The following CTDSPL2 variants were observed in gnomAD, a reference collection of about 807,000 sequenced individuals.
CTDSPL2 encodes the protein CTD small phosphatase like 2.
Under a neutral mutation model 60.0 loss-of-function variants are expected in CTDSPL2, and 5 were observed. The ratio of observed to expected loss-of-function variants is 0.08; its 90% CI spans 0.04 to 0.18. CTDSPL2 has a LOEUF of 0.18. Among genes scored for constraint, CTDSPL2 ranks in the 10% least tolerant of loss-of-function variants. The probability of loss-of-function intolerance (pLI) is 1.00; values close to 1 mark genes in which losing one functional copy is unlikely to be tolerated. For missense variants in CTDSPL2, 370 were observed against 548.8 expected (o/e 0.67, Z 3.26); for synonymous variants, 186 against 189.3 (o/e 0.98, Z 0.14).
intron 2 of CTDSPL2, among the ~76,000 whole-genome samples, chr15:44,480,796 A>C (rs1051120479): frequency 1.3e-5 from 2 of 151,620 alleles, no homozygotes; most frequent in African/African-American, 4.9e-5. Flanking sequence ...CTGTGCTACT[A>C]CACTCCAGTA....
chr15:44,449,078 T>G, intron 1 of CTDSPL2: 1 of 321,726 alleles, frequency 3.1e-6, no homozygotes, highest in Admixed American at 4.0e-5. Context: ...CAAGTCTTTC[T>G]GTCTGTAATA....
Position 44,486,922 on chromosome 15 carries a change from C to T in CTDSPL2, c.475+222C>T, listed in dbSNP as rs1595749065. ...GGGACTGTAGGTACCTGCCACCATG[C>T]CCGGCTAATATTTTTTGTATTTTTG... On this transcript the variant is annotated intron_variant, in intron 4 of 12. Coordinates refer to ENST00000260327, the MANE Select transcript of CTDSPL2 (RefSeq NM_016396.3). 6.6e-5 allele frequency among the ~76,000 whole-genome samples: 10 copies of T among 151,986 alleles called. No homozygotes were observed. The South Asian group carries it at 2.1e-3, about 32-fold the overall frequency.
chr15:44,490,022 A>G (rs2081189620), intron 4 of CTDSPL2, among the ~76,000 whole-genome samples: 1 of 152,184 alleles, frequency 6.6e-6, no homozygotes, highest in African/African-American at 2.4e-5. Context: ...AACAAGGGAG[A>G]AGGAATGTTC....
At chr15:44,464,836 G>C (rs1191464343) in intron 2 of CTDSPL2, among the ~76,000 whole-genome samples, 2 of 152,132 alleles carry the variant, frequency 1.3e-5, no homozygotes, top group Non-Finnish European at 2.9e-5. Context: ...CTCCTGGATA[G>C]CTGGAATTAC....
chr15:44,483,666 G>T (rs1450618581), intron 2 of CTDSPL2, among the ~76,000 whole-genome samples: 1 of 152,156 alleles, frequency 6.6e-6, no homozygotes, highest in Non-Finnish European at 1.5e-5. Flanking sequence ...TGGTCATGGG[G>T]ACTTGCCCCA....
chr15:44,473,473 T>G (rs866536092), intron 2 of CTDSPL2, among the ~76,000 whole-genome samples: 2 of 152,084 alleles, frequency 1.3e-5, no homozygotes, highest in Non-Finnish European at 2.9e-5. Flanking sequence ...TATTTTGTAT[T>G]TTTAGTAGAG....
At chr15:44,440,533 A>G (rs2141277267) in intron 1 of CTDSPL2, among the ~76,000 whole-genome samples, 1 of 152,268 alleles carries the variant, frequency 6.6e-6, no homozygotes, top group East Asian at 1.9e-4. Context: ...TTAAAAGTAT[A>G]TAGGATCTAT....
chr15:44,469,386 C>G (rs1294340984), intron 2 of CTDSPL2, among the ~76,000 whole-genome samples: 2 of 152,172 alleles, frequency 1.3e-5, no homozygotes, highest in Admixed American at 6.5e-5. Context: ...TTGCCTATGG[C>G]TGTAGCTTGC....
chr15:44,458,968 C>T, intron 1 of CTDSPL2, 23 bp from the exon 2 acceptor site: 1 of 1,366,686 alleles, frequency 7.3e-7, no homozygotes, highest in Non-Finnish European at 9.8e-7. Flanking sequence ...TTTTTTATTA[C>T]ATTTATTATT....
At chr15:44,454,212 GC>G (rs761384517) in intron 1 of CTDSPL2, among the ~76,000 whole-genome samples, 2 of 152,154 alleles carry the variant, frequency 1.3e-5, no homozygotes, top group African/African-American at 2.4e-5. Context: ...GTGTCTGTTG[GC>G]TTCATAAATG....
At chr15:44,438,164 T>C (rs1228093092) in intron 1 of CTDSPL2, among the ~76,000 whole-genome samples, 2 of 150,818 alleles carry the variant, frequency 1.3e-5, no homozygotes, top group African/African-American at 4.9e-5. Flanking sequence ...CTCGGAAGGC[T>C]GGGGCAGGAG....
intron 7 of CTDSPL2, among the ~76,000 whole-genome samples, chr15:44,498,699 G>A (rs2081341373): frequency 6.6e-6 from 1 of 151,774 alleles, no homozygotes. Flanking sequence ...AGGAGTTTGA[G>A]ACCAGCCTGA....
At chr15:44,467,782 C>T (rs558699609) in intron 2 of CTDSPL2, among the ~76,000 whole-genome samples, 1 of 152,126 alleles carries the variant, frequency 6.6e-6, no homozygotes, top group African/African-American at 2.4e-5. Context: ...ACCATGTTGG[C>T]CAGGCTGGTC....
At chr15:44,448,838 C>A in intron 1 of CTDSPL2, 1 of 373,238 alleles carries the variant, frequency 2.7e-6, no homozygotes, top group South Asian at 2.1e-5. Context: ...AAGGCGGTCT[C>A]ATCCGTCTTT....
At chr15:44,521,937 CAAAAAAAAA>C (rs904398715) in intron 12 of CTDSPL2, among the ~76,000 whole-genome samples, 6 of 60,778 alleles carry the variant, frequency 9.9e-5, no homozygotes, top group South Asian at 2.1e-3. Context: ...GACTCCGTCT[CAAAAAAAAA>C]AAAAAAAAAA....
intron 1 of CTDSPL2, among the ~76,000 whole-genome samples, chr15:44,454,735 G>C (rs1210032555): frequency 2.6e-5 from 4 of 152,154 alleles, no homozygotes; most frequent in African/African-American, 9.7e-5. Flanking sequence ...TCAGATGGTT[G>C]TAGATGTGTG....
At chr15:44,471,089 A>G (rs999778630) in intron 2 of CTDSPL2, among the ~76,000 whole-genome samples, 1 of 152,188 alleles carries the variant, frequency 6.6e-6, no homozygotes, top group Non-Finnish European at 1.5e-5. Flanking sequence ...ATAGAGTTTC[A>G]TAGGATTATA....
chr15:44,446,589 C>G (rs1441941287), intron 1 of CTDSPL2, among the ~76,000 whole-genome samples: 7 of 151,642 alleles, frequency 4.6e-5, no homozygotes, highest in Non-Finnish European at 1.0e-4. Flanking sequence ...GAGATAGAAC[C>G]ACTGCACTCC....
intron 1 of CTDSPL2, among the ~76,000 whole-genome samples, chr15:44,435,188 C>T (rs1159873254): frequency 1.4e-5 from 2 of 142,392 alleles, no homozygotes; most frequent in Non-Finnish European, 3.0e-5. Flanking sequence ...ACCCGGGAGG[C>T]AGAGGTTACA....
Sources: allele counts gnomAD v4.1 joint callset (sites outside exome capture counted in the v4.1 genomes callset), GRCh38; gene constraint gnomAD v4.1.1; transcripts MANE v1.5; gene names NCBI Gene and HGNC (gene_info 2026-07-23, HGNC 2026-07-21).